Variants in VPS13D observed in about 807,000 individuals in gnomAD.
VPS13D encodes vacuolar protein sorting 13 homolog D, also known as intermembrane lipid transfer protein VPS13D.
VPS13D carries 187 observed loss-of-function variants against 461.9 expected under a neutral mutation model. That is an observed-to-expected ratio of 0.40 (90% CI 0.36 to 0.46). The LOEUF is 0.46. Ranked by LOEUF, VPS13D falls within the 20% of genes least tolerant of loss-of-function variation. The pLI, the probability that VPS13D is intolerant of heterozygous loss-of-function variation, is 0.60. For synonymous variants in VPS13D, 1,951 were observed against 1,986.3 expected, an observed-to-expected ratio of 0.98 and a Z score of 0.47; for missense variants, 4,711 against 5,364.9, an observed-to-expected ratio of 0.88 and a Z score of 3.81.
In VPS13D at chr1:12,300,600, T is replaced by C. The variant is rs545104511; in HGVS notation, c.6216+1216T>C. On this transcript the variant is annotated intron_variant, in intron 25 of 69. Transcript: ENST00000620676. ...GCAAAGGACATGATTTCATTCTTTT[T>C]TATGGCTGTGACTTATCCATTTCTC... 2.0e-5 allele frequency among the ~76,000 whole-genome samples: 3 copies of C among 152,354 alleles called. No homozygotes were observed. In the South Asian group the frequency reaches 6.2e-4, roughly 32 times the overall value.
intron 16 of VPS13D, among the ~76,000 whole-genome samples, chr1:12,270,164 G>T (rs1641395121): frequency 6.6e-6 from 1 of 151,810 alleles, no homozygotes; most frequent in South Asian, 2.1e-4. Context: ...TAAAAAGAAA[G>T]AATATAGAAA....
intron 9 of VPS13D, 77 bp from the exon 10 acceptor site, chr1:12,257,858 T>C (rs1640969177): frequency 2.6e-6 from 4 of 1,538,538 alleles, no homozygotes; most frequent in South Asian, 1.2e-5. Flanking sequence ...AGTGGGGTTA[T>C]GTGGATTGTC....
Position 12,495,260 on chromosome 1 carries a change from C to G in VPS13D, c.12663-2240C>G, listed in dbSNP as rs1645941392. 6.6e-6 allele frequency among the ~76,000 whole-genome samples: 1 copy of G among 151,876 alleles called. No homozygotes were observed. The highest frequency in any genetic ancestry group is 2.1e-4 in the South Asian group (1 of 4,810). ...CGCCTCCCAGGTTCATGCCATTCTCCTGCCTCAGCCTCCTGAATAGCTGGG... is the reference window on the plus strand; with the variant it reads ...CGCCTCCCAGGTTCATGCCATTCTCGTGCCTCAGCCTCCTGAATAGCTGGG... On this transcript the variant is annotated intron_variant, in intron 67 of 69. Coordinates refer to ENST00000620676, the MANE Select transcript of VPS13D (RefSeq NM_015378.4). This position sits in a 1 kb window ranked among gnomAD's most constrained non-coding sequence, Gnocchi z 4.0.
At chr1:12,355,593 G>A (rs1643878324) in intron 47 of VPS13D, among the ~76,000 whole-genome samples, 1 of 151,678 alleles carries the variant, frequency 6.6e-6, no homozygotes. Context: ...TTTTTTTTGA[G>A]ATGGAGTCTC....
In VPS13D at chr1:12,506,973, T is replaced by C. The variant is rs534095476; in HGVS notation, c.12915T>C (p.Asp4305=). 1 of 1,614,278 alleles carries C rather than the reference T, an allele frequency of 6.2e-7. No individual in the cohort carries two copies. Among genetic ancestry groups the C allele is most frequent in the Admixed American group, 1.7e-5 (1 of 60,038 alleles). The change falls in exon 69 of 70, where the codon GAT becomes GAC. Residue 4305 remains aspartate, a synonymous_variant. Transcript: ENST00000620676. ...REAIFLEVKY[D]DLYHCLVSKD... is the part of the protein sequence containing the mutation. ...CCATTTTCCTAGAAGTCAAATACGA[T>C]GACCTCTACCACTGCCTTGTCTCCA...
Position 12,497,618 on chromosome 1 carries a change from A to C in VPS13D, c.12781A>C (p.Ile4261Leu). ...QEQLFKLTDN[I>L]QDEFFIAVEN... Reference sequence around the variant, plus strand: ...GCAGCTCTTCAAACTCACAGACAACATACAGGACGAATTGTAAGTTAGAGC... The same window carrying C: ...GCAGCTCTTCAAACTCACAGACAACCTACAGGACGAATTGTAAGTTAGAGC... Residue 4261 changes from isoleucine to leucine, a missense_variant, in exon 68 of 70, where the codon ATA (isoleucine) becomes CTA (leucine). Ile to Leu is a conservative substitution (Grantham distance 5). This residue lies in a region of VPS13D where 194 missense variants were observed against 220.9 expected (regional missense o/e 0.88). Coordinates refer to ENST00000620676, the MANE Select transcript of VPS13D (RefSeq NM_015378.4). The C allele has an allele frequency of 6.2e-7, 1 of 1,613,394 alleles. No homozygotes were observed.
Position 12,276,836 on chromosome 1 carries a change from A to G in VPS13D, c.3248A>G (p.Glu1083Gly). 3 of 1,614,150 alleles carry G rather than the reference A, an allele frequency of 1.9e-6. No individual in the cohort carries two copies. Among genetic ancestry groups the G allele is most frequent in the Non-Finnish European group, 2.5e-6 (3 of 1,180,014 alleles). ...TKEQESLIKL[E>G]YQFVSSECPS... The stretch of plus-strand genomic sequence containing the variant: ...GAGCAAGAGTCCCTTATTAAGTTGG[A>G]ATATCAGTTTGTGAGTTCAGAGTGC... The change falls in exon 19 of 70, where the codon GAA (glutamate) becomes GGA (glycine). Residue 1083 changes from glutamate (E) to glycine (G), a missense_variant. Glu to Gly is a moderately conservative substitution (Grantham distance 98). This residue lies in a region of VPS13D where 4,411 missense variants were observed against 4,937.8 expected (regional missense o/e 0.89). Coordinates refer to ENST00000620676, the MANE Select transcript of VPS13D (RefSeq NM_015378.4). The surrounding 1 kb of genome is among the most constrained non-coding windows in gnomAD (Gnocchi z 4.5).
chr1:12,285,266 GTATT>G (rs1243356647), intron 21 of VPS13D, among the ~76,000 whole-genome samples: 359 of 144,594 alleles, frequency 2.5e-3, no homozygotes, highest in Middle Eastern at 3.6e-3. Context: ...TTTATTTTAT[GTATT>G]TATTTATTTA....
intron 65 of VPS13D, among the ~76,000 whole-genome samples, chr1:12,435,058 C>T (rs1645042635): frequency 6.6e-6 from 1 of 152,152 alleles, no homozygotes; most frequent in Non-Finnish European, 1.5e-5. Context: ...GTTAGTGTAT[C>T]CTTACCGTAA....
chr1:12,278,435 C>T (rs901641992), intron 19 of VPS13D, among the ~76,000 whole-genome samples: 13 of 151,986 alleles, frequency 8.6e-5, no homozygotes, highest in African/African-American at 1.9e-4. Flanking sequence ...CTACCACGCC[C>T]GGCTAATTTT....
At chr1:12,275,199 A>C (rs960989251) in intron 18 of VPS13D, among the ~76,000 whole-genome samples, 3 of 152,184 alleles carry the variant, frequency 2.0e-5, no homozygotes, top group Admixed American at 6.5e-5. Context: ...AGCCTGGGTG[A>C]CAGAATGAGA....
rs569014927 is a variant in VPS13D at position 12,351,381 on chromosome 1, C to T, written c.9431+2007C>T. Among the ~76,000 whole-genome samples, 3 of 152,284 alleles carry T rather than the reference C, an allele frequency of 2.0e-5. No individual in the cohort carries two copies. In the South Asian group the frequency reaches 6.2e-4, roughly 32 times the overall value. ...TCTTGGTTCACTGCAACCTCCGCCT[C>T]TTGGATTCAAGCGATTCTCCTGCCT... On this transcript the variant is annotated intron_variant, in intron 46 of 69. Coordinates refer to ENST00000620676, the MANE Select transcript of VPS13D (RefSeq NM_015378.4).
intron 63 of VPS13D, among the ~76,000 whole-genome samples, chr1:12,405,925 G>A (rs141729441): frequency 6.6e-6 from 1 of 152,244 alleles, no homozygotes; most frequent in African/African-American, 2.4e-5. Context: ...ACTGAGAAAA[G>A]CAGTCTGATT....
At chr1:12,413,450 G>A (rs2100221858) in intron 63 of VPS13D, among the ~76,000 whole-genome samples, 1 of 152,274 alleles carries the variant, frequency 6.6e-6, no homozygotes, top group Admixed American at 6.5e-5. Flanking sequence ...TCCAGCCTGG[G>A]CAACAGAGAC....
intron 35 of VPS13D, among the ~76,000 whole-genome samples, chr1:12,327,078 T>G (rs1476428634): frequency 6.6e-6 from 1 of 152,222 alleles, no homozygotes; most frequent in Non-Finnish European, 1.5e-5. Context: ...CTGAGAACTT[T>G]CCATGTACTC....
rs575221315 is a variant in VPS13D at position 12,463,046 on chromosome 1, T to C, written c.12662+2650T>C. Among the ~76,000 whole-genome samples the C allele has an allele frequency of 2.3e-4, 35 of 152,088 alleles. 2 individuals are homozygous for C. The South Asian group carries it at 4.8e-3, about 21-fold the overall frequency. On this transcript the variant is annotated intron_variant, in intron 67 of 69. Transcript: ENST00000620676. ...GAAGTTTAACTGCAAGTTCCAACTT[T>C]GTAGGCTGCAGAAAAAAAGGAAAAA...
Position 12,389,403 on chromosome 1 carries a change from C to T in VPS13D, c.11634+3069C>T, listed in dbSNP as rs1025002617. ...CCGAGATTATAAGGTCATAATTACA[C>T]CTAACATAATACAGCCATCCTTCGT... On this transcript the variant is annotated intron_variant, in intron 60 of 69. Transcript: ENST00000620676. Among the ~76,000 whole-genome samples, 3 of 152,294 alleles carry T rather than the reference C, an allele frequency of 2.0e-5. No individual in the cohort carries two copies. The East Asian group carries it at 5.8e-4, about 29-fold the overall frequency.
intron 41 of VPS13D, 189 bp from the exon 42 acceptor site, chr1:12,342,706 CAAAT>C (rs1643596379): frequency 1.9e-6 from 1 of 518,758 alleles, no homozygotes; most frequent in Non-Finnish European, 3.3e-6. Context: ...TCTAAAATGT[CAAAT>C]AAGTTGTGAT....
Position 12,318,189 on chromosome 1 carries a change from A to G in VPS13D, c.7266A>G (p.Lys2422=). Residue 2422 remains lysine, a synonymous_variant, in exon 31 of 70, where the codon AAA becomes AAG. Coordinates refer to ENST00000620676, the MANE Select transcript of VPS13D (RefSeq NM_015378.4). The part of the protein sequence containing the change: ...DFLHTPSDIK[K]QNHVTPSRHR... ...TCCACACTCCCAGTGATATTAAGAA[A>G]CAAAATCATGTTACTCCTTCTCGCC... is the stretch of plus-strand genomic sequence containing the variant. 1 of 1,614,228 alleles carries G rather than the reference A, an allele frequency of 6.2e-7. No individual in the cohort carries two copies. Among genetic ancestry groups the G allele is most frequent in the Non-Finnish European group, 8.5e-7 (1 of 1,180,048 alleles).
Sources: allele counts gnomAD v4.1 joint callset (sites outside exome capture counted in the v4.1 genomes callset), GRCh38; gene constraint gnomAD v4.1.1; regional missense constraint gnomAD v4.1.1; non-coding constraint Gnocchi (gnomAD v3.1); transcripts MANE v1.5; gene names NCBI Gene and HGNC (gene_info 2026-07-23, HGNC 2026-07-21).